ACAN: variants seen among roughly 807,000 people sequenced by gnomAD.
The protein encoded by ACAN is aggrecan.
Under a neutral mutation model 169.1 loss-of-function variants are expected in ACAN, and 47 were observed. The ratio of observed to expected loss-of-function variants is 0.28; its 90% CI spans 0.22 to 0.35. The LOEUF (loss-of-function observed/expected upper bound fraction) is 0.35. Ranked by LOEUF, ACAN falls within the 10% of genes least tolerant of loss-of-function variation. The pLI is 1.00. For synonymous variants in ACAN, 1,115 were observed against 1,112.2 expected (o/e 1.00, Z -0.05); for missense variants, 2,716 against 2,759.9 (o/e 0.98, Z 0.36).
rs151039950 is a variant in ACAN at position 88,851,077 on chromosome 15, C to T, written c.2027-717C>T. 7.0e-3 allele frequency: 1,064 copies of T among 152,572 alleles called. 4 individuals carry two copies. Among genetic ancestry groups the T allele is most frequent in the Non-Finnish European group, 0.01 (698 of 68,290 alleles). 9.5% of individuals were successfully genotyped at this position (152,572 alleles called of 1,614,324 possible). ...GGGAAGCAGAAACCAAGCCAGTTAA[C>T]CTCCCAGAAATTTCCCAGCCATGCT... is the stretch of plus-strand genomic sequence containing the variant. On this transcript the variant is annotated intron_variant, in intron 10 of 18. Coordinates refer to ENST00000560601, the MANE Select transcript of ACAN (RefSeq NM_001369268.1). The surrounding 1 kb of genome is among the most constrained non-coding windows in gnomAD (Gnocchi z 4.3).
intron 1 of ACAN, among the ~76,000 whole-genome samples, chr15:88,829,036 G>T (rs935062037): frequency 1.3e-5 from 2 of 152,128 alleles, no homozygotes; most frequent in Non-Finnish European, 2.9e-5. Flanking sequence ...TTTATCTCCA[G>T]CACTCCCCAC....
chr15:88,847,971 C>T lies in ACAN; in HGVS notation c.1665C>T (p.Val555=), dbSNP rs1896836653. The change falls in exon 9 of 19, where the codon GTC becomes GTT. Residue 555 remains valine, a synonymous_variant. Coordinates refer to ENST00000560601, the MANE Select transcript of ACAN (RefSeq NM_001369268.1). ...GTGACAAGGACAGCAGCCCAGGGGT[C>T]AGGACCTATGGCGTGCGCCCATCAA... ...CVGDKDSSPG[V]RTYGVRPSTE... The T allele has an allele frequency of 1.9e-6, 3 of 1,613,922 alleles. No homozygotes were observed. The highest frequency in any genetic ancestry group is 2.2e-5 in the South Asian group (2 of 91,094).
intron 1 of ACAN, among the ~76,000 whole-genome samples, chr15:88,820,220 A>G (rs1427246974): frequency 6.6e-6 from 1 of 152,224 alleles, no homozygotes; most frequent in Non-Finnish European, 1.5e-5. Context: ...AATAAAACCC[A>G]GTGCATGCTC....
At chr15:88,829,282 G>A (rs761726534) in intron 1 of ACAN, among the ~76,000 whole-genome samples, 4 of 152,206 alleles carry the variant, frequency 2.6e-5, no homozygotes, top group Non-Finnish European at 5.9e-5. Context: ...TTTCCCTGGG[G>A]GTGATGCTTG....
Position 88,857,041 on chromosome 15 carries a change from G to A in ACAN, c.4456G>A (p.Asp1486Asn), listed in dbSNP as rs561163011. 2 of 1,613,408 alleles carry A rather than the reference G, an allele frequency of 1.2e-6. No individual in the cohort carries two copies. Among genetic ancestry groups the A allele is most frequent in the South Asian group, 2.2e-5 (2 of 91,066 alleles). ...VLEISVSGVE[D>N]ISGLPSGEVV... ...AGAGATTTCTGTCTCTGGAGTAGAG[G>A]ACATCAGTGGGCTTCCTTCTGGAGA... is the stretch of plus-strand genomic sequence containing the variant. Residue 1486 changes from aspartate (D) to asparagine (N), a missense_variant, in exon 12 of 19, where the codon GAC becomes AAC. Asp to Asn is a conservative substitution (Grantham distance 23). This residue lies in a region of ACAN where 1,389 missense variants were observed against 1,363.7 expected (regional missense o/e 1.02). Coordinates refer to ENST00000560601, the MANE Select transcript of ACAN (RefSeq NM_001369268.1).
rs1457718066 is a variant in ACAN, at chr15:88,840,193, C to T, written c.629+7C>T. 1.3e-6 allele frequency: 2 copies of T among 1,584,874 alleles called. No individual in the cohort carries two copies. Among genetic ancestry groups the T allele is most frequent in the East Asian group, 4.5e-5 (2 of 44,082 alleles). On this transcript the variant is annotated splice_region_variant and intron_variant, in intron 4 of 18. Transcript: ENST00000560601. ...TGGCTGACCAGACTGTCAGGTGAGC[C>T]CTAGCCCATCAGCTAGTGGGGGCCA...
chr15:88,858,668 C>T lies in ACAN; in HGVS notation c.6083C>T (p.Ala2028Val). ...SSVAMGTSGE[A>V]SGLPEVTLIT... ...GTAGCCATGGGCACCAGTGGAGAGG[C>T]CTCAGGACTTCCAGAAGTTACTTTA... Residue 2028 changes from alanine (A) to valine (V), a missense_variant, in exon 12 of 19, where the codon GCC becomes GTC. Ala to Val is a moderately conservative substitution (Grantham distance 64). Transcript: ENST00000560601. The surrounding 1 kb of genome is among the most constrained non-coding windows in gnomAD (Gnocchi z 4.0). 1 of 1,613,974 alleles carries T rather than the reference C, an allele frequency of 6.2e-7. No individual in the cohort carries two copies.
chr15:88,865,122 G>A (rs1022248680), intron 13 of ACAN, among the ~76,000 whole-genome samples: 1 of 152,182 alleles, frequency 6.6e-6, no homozygotes. Flanking sequence ...TCTCTCCCAA[G>A]TTAGAGATAT....
chr15:88,810,087 G>C (rs955182633), intron 1 of ACAN, among the ~76,000 whole-genome samples: 3 of 152,120 alleles, frequency 2.0e-5, no homozygotes, highest in African/African-American at 7.2e-5. Context: ...TTATGCAGAG[G>C]GGGAGGCTGA....
In ACAN at chr15:88,860,335, G is replaced by C. The variant is rs777268408; in HGVS notation, c.6842G>C (p.Arg2281Thr). 1.2e-6 allele frequency: 2 copies of C among 1,611,392 alleles called. No homozygotes were observed. The highest frequency in any genetic ancestry group is 4.5e-5 in the East Asian group (2 of 44,858). Reference protein sequence around the residue: ...ESESTAAAPARSCAEEPCGAG... With the variant: ...ESESTAAAPATSCAEEPCGAG... ...CCCCTGGGGGTTGCAGCCCCCGCCA[G>C]GTCCTGTGCAGAGGAGCCCTGTGGA... The change falls in exon 13 of 19, where the codon AGG becomes ACG. Residue 2281 changes from arginine to threonine, a missense_variant. By Grantham distance (71) the Arg-to-Thr change is moderately conservative. This residue lies in a region of ACAN where 1,389 missense variants were observed against 1,363.7 expected (regional missense o/e 1.02). Coordinates refer to ENST00000560601, the MANE Select transcript of ACAN (RefSeq NM_001369268.1).
rs79040543 is a variant in ACAN at position 88,841,503 on chromosome 15, T to A, written c.630-237T>A. On this transcript the variant is annotated intron_variant, in intron 4 of 18. Coordinates refer to ENST00000560601, the MANE Select transcript of ACAN (RefSeq NM_001369268.1). ...CTATCTTGCCTTTTATAGAAAAAAA[T>A]ATGTGAGCCCCTGATAGAGAAAGTG... is the stretch of plus-strand genomic sequence containing the variant. Among the ~76,000 whole-genome samples the A allele has an allele frequency of 0.14, 6,192 of 44,856 alleles. 335 individuals are homozygous for A. Among genetic ancestry groups the A allele is most frequent in the African/African-American group, 0.25 (4,887 of 19,572 alleles). 29.4% of individuals were successfully genotyped at this position (44,856 alleles called of 152,430 possible).
At chr15:88,847,521 TGG>T in intron 8 of ACAN, 104 bp downstream of exon 8, 2 of 1,321,666 alleles carry the variant, frequency 1.5e-6, no homozygotes, top group East Asian at 5.2e-5. Context: ...CAATACCTTG[TGG>T]GTTAATGAAT....
At chr15:88,862,105 C>G (rs764888151) in intron 13 of ACAN, among the ~76,000 whole-genome samples, 9 of 152,200 alleles carry the variant, frequency 5.9e-5, no homozygotes, top group Non-Finnish European at 1.3e-4. Context: ...CCCTCTTGAA[C>G]ATAACAACCA....
In ACAN at chr15:88,874,705, T is replaced by C; in HGVS notation, c.*224T>C. 1 of 636,082 alleles carries C rather than the reference T, an allele frequency of 1.6e-6. No individual in the cohort carries two copies. The highest frequency in any genetic ancestry group is 2.9e-6 in the Non-Finnish European group (1 of 346,970). 39.4% of individuals were successfully genotyped at this position (636,082 alleles called of 1,614,324 possible). A position where few individuals can be genotyped will look rare whatever the true frequency, so the allele number is the denominator to read the frequency against. ...GCCGAATGCCAAAGCAAAGCAAACT[T>C]ATTATAACCCTTGGACTGAGTTTAG... On this transcript the variant is annotated 3_prime_UTR_variant, in exon 19 of 19. Coordinates refer to ENST00000560601, the MANE Select transcript of ACAN (RefSeq NM_001369268.1). This position sits in a 1 kb window ranked among gnomAD's most constrained non-coding sequence, Gnocchi z 7.3.
Position 88,839,959 on chromosome 15 carries a change from A to G in ACAN, c.455-53A>G. 6.4e-7 allele frequency: 1 copy of G among 1,554,938 alleles called. No homozygotes were observed. Among genetic ancestry groups the G allele is most frequent in the Non-Finnish European group, 8.7e-7 (1 of 1,146,076 alleles). On this transcript the variant is annotated intron_variant, in intron 3 of 18. Coordinates refer to ENST00000560601, the MANE Select transcript of ACAN (RefSeq NM_001369268.1). This position sits in a 1 kb window ranked among gnomAD's most constrained non-coding sequence, Gnocchi z 4.5. ...TAATTCTGCGAGGGCCTCGGTGATC[A>G]GAGACTGTGCCTGACCAGCTCTTCC...
chr15:88,871,263 C>A lies in ACAN; in HGVS notation c.7061-119C>A. 7.1e-7 allele frequency: 1 copy of A among 1,410,162 alleles called. No individual in the cohort carries two copies. Among genetic ancestry groups the A allele is most frequent in the African/African-American group, 1.4e-5 (1 of 71,138 alleles). 87.4% of individuals were successfully genotyped at this position (1,410,162 alleles called of 1,614,324 possible). Reference sequence around the variant, plus strand: ...TCCTCCAGCTGTGCCTCTCCCTTCCCTTGAGGGCACAGCATGGAAGGTGGG... The same window carrying A: ...TCCTCCAGCTGTGCCTCTCCCTTCCATTGAGGGCACAGCATGGAAGGTGGG... On this transcript the variant is annotated intron_variant, in intron 14 of 18. Transcript: ENST00000560601. The surrounding 1 kb of genome is among the most constrained non-coding windows in gnomAD (Gnocchi z 7.8).
At position 88,863,013 on chromosome 15, in the gene ACAN, A is replaced by G. The variant is rs571351900; in HGVS notation, c.6946+2574A>G. The stretch of plus-strand genomic sequence containing the variant: ...ACTCGGTCTCAAAAAAAAAAAAAAA[A>G]AAAAGAAACAAGACCATGGATCAGT... On this transcript the variant is annotated intron_variant, in intron 13 of 18. Coordinates refer to ENST00000560601, the MANE Select transcript of ACAN (RefSeq NM_001369268.1). Among the ~76,000 whole-genome samples the G allele has an allele frequency of 1.5e-3, 220 of 151,528 alleles. 1 individual carries two copies. The highest frequency in any genetic ancestry group is 7.0e-3 in the Admixed American group (106 of 15,206).
chr15:88,848,715 T>C (rs1471157987), intron 9 of ACAN, among the ~76,000 whole-genome samples: 1 of 152,266 alleles, frequency 6.6e-6, no homozygotes, highest in East Asian at 1.9e-4. Flanking sequence ...ATTTTGGAAA[T>C]GCTGGTGTTC....
chr15:88,873,226 C>T lies in ACAN; in HGVS notation c.7447+201C>T, dbSNP rs528963126. On this transcript the variant is annotated intron_variant, in intron 17 of 18. Transcript: ENST00000560601. This position sits in a 1 kb window ranked among gnomAD's most constrained non-coding sequence, Gnocchi z 7.5. The stretch of plus-strand genomic sequence containing the variant: ...CCAGGGCCAATGGCAAGGGCAAGCT[C>T]GCTGCCAGGGACCGTTTGCAGGGAC... Among the ~76,000 whole-genome samples the T allele has an allele frequency of 3.9e-5, 6 of 152,190 alleles. No individual in the cohort carries two copies. The highest frequency in any genetic ancestry group is 7.3e-5 in the Non-Finnish European group (5 of 68,028).
Sources: allele counts gnomAD v4.1 joint callset (sites outside exome capture counted in the v4.1 genomes callset), GRCh38; gene constraint gnomAD v4.1.1; regional missense constraint gnomAD v4.1.1; non-coding constraint Gnocchi (gnomAD v3.1); transcripts MANE v1.5; gene names NCBI Gene and HGNC (gene_info 2026-07-23, HGNC 2026-07-21).